Variants in PRUNE2 observed in about 807,000 individuals in gnomAD.
The protein encoded by PRUNE2 is prune homolog 2 with BCH domain, also known as protein prune homolog 2.
In PRUNE2, 164 loss-of-function variants were observed where a neutral mutation model predicts 252.0. The ratio of observed to expected loss-of-function variants is 0.65; its 90% CI spans 0.57 to 0.74. The LOEUF is 0.74. Ranked by LOEUF, PRUNE2 falls within the 30% of genes least tolerant of loss-of-function variation. The pLI, the probability that PRUNE2 is intolerant of heterozygous loss-of-function variation, is 0.00. For missense variants in PRUNE2, 3,495 were observed against 3,711.0 expected (o/e 0.94, Z 1.51); for synonymous variants, 1,292 against 1,350.2 (o/e 0.96, Z 0.94).
At chr9:76,903,618 C>T (rs2063309707) in intron 1 of PRUNE2, among the ~76,000 whole-genome samples, 1 of 152,146 alleles carries the variant, frequency 6.6e-6, no homozygotes, top group Non-Finnish European at 1.5e-5. Context: ...GACTGAGTCT[C>T]GCTCTGTTGC....
intron 2 of PRUNE2, among the ~76,000 whole-genome samples, chr9:76,853,534 G>A (rs546417433): frequency 1.2e-4 from 18 of 152,204 alleles, no homozygotes; most frequent in Non-Finnish European, 2.2e-4. Context: ...AGAATAGAAA[G>A]AGTCTTCCTC....
chr9:76,902,758 G>A (rs2063255126), intron 1 of PRUNE2, among the ~76,000 whole-genome samples: 1 of 152,166 alleles, frequency 6.6e-6, no homozygotes, highest in African/African-American at 2.4e-5. Flanking sequence ...GTCCTAACCA[G>A]GCAGAAGTCA....
Position 76,629,290 on chromosome 9 carries a change from AC to A in PRUNE2, c.9051-1del. On this transcript the variant is annotated splice_acceptor_variant, in intron 15 of 18. Transcript: ENST00000376718. LOFTEE classifies it high-confidence loss of function. ...ATTTAATTTTACTGCTGAATTTTGAACTAAAAAAAAAAAAAAGAAAAAAATA... is the reference window on the plus strand; with the variant it reads ...ATTTAATTTTACTGCTGAATTTTGAATAAAAAAAAAAAAAAGAAAAAAATA... The A allele has an allele frequency of 2.0e-6, 3 of 1,473,320 alleles. No homozygotes were observed. The highest frequency in any genetic ancestry group is 2.5e-5 in the South Asian group (2 of 80,602). 91.3% of individuals were successfully genotyped at this position (1,473,320 alleles called of 1,614,324 possible).
At chr9:76,803,801 T>C (rs2056736645) in intron 6 of PRUNE2, among the ~76,000 whole-genome samples, 2 of 152,200 alleles carry the variant, frequency 1.3e-5, no homozygotes, top group South Asian at 2.1e-4. Flanking sequence ...AGCACTTCGC[T>C]GTTACTTTCC....
intron 6 of PRUNE2, among the ~76,000 whole-genome samples, chr9:76,728,776 T>C (rs1468195452): frequency 3.9e-5 from 6 of 152,204 alleles, no homozygotes. Flanking sequence ...TCTCTGCACC[T>C]TTAGGCAAGT....
intron 9 of PRUNE2, among the ~76,000 whole-genome samples, chr9:76,668,265 G>A (rs2040585717): frequency 6.6e-6 from 1 of 152,034 alleles, no homozygotes; most frequent in Non-Finnish European, 1.5e-5. Context: ...AAAACTGGAG[G>A]GTTTTCAAAA....
chr9:76,726,678 A>G (rs2048131591), intron 6 of PRUNE2, among the ~76,000 whole-genome samples: 2 of 152,362 alleles, frequency 1.3e-5, no homozygotes, highest in South Asian at 4.1e-4. Context: ...TACTATTTAA[A>G]CAATCCAGGA....
chr9:76,706,560 T>G lies in PRUNE2; in HGVS notation c.5714A>C (p.Glu1905Ala). 1 of 1,613,968 alleles carries G rather than the reference T, an allele frequency of 6.2e-7. No individual in the cohort carries two copies. The highest frequency in any genetic ancestry group is 8.5e-7 in the Non-Finnish European group (1 of 1,179,872). The change falls in exon 8 of 19, where the codon GAG becomes GCG. Residue 1905 changes from glutamate (E) to alanine (A), a missense_variant. Physicochemically the swap from Glu to Ala is moderately radical, Grantham distance 107. Coordinates refer to ENST00000376718, the MANE Select transcript of PRUNE2 (RefSeq NM_015225.3). ...CCTTGGTTGAATGTTCCAGAGTTGC[T>G]CATGGGAGTTCTTCCCATTACCTTC... ...FLEGNGKNSH[E>A]QLWNIQPRQP...
At chr9:76,766,434 G>A (rs1230021305) in intron 6 of PRUNE2, among the ~76,000 whole-genome samples, 1 of 152,012 alleles carries the variant, frequency 6.6e-6, no homozygotes, top group Non-Finnish European at 1.5e-5. Flanking sequence ...TGTCTTTAAC[G>A]ATGCTTAACT....
At chr9:76,760,124 C>T (rs1307963853) in intron 6 of PRUNE2, 2 of 152,268 alleles carry the variant, frequency 1.3e-5, no homozygotes. Context: ...TAATCTGGCT[C>T]CTTGGTGTAG....
rs377574526 is a variant in PRUNE2 at position 76,763,606 on chromosome 9, T to G, written c.757-49885A>C. On this transcript the variant is annotated intron_variant, in intron 6 of 18. Transcript: ENST00000376718. Reference sequence around the variant, plus strand: ...CATATCCCCCGTCCCCAAGAGAGGATCTGGTGTCGTCTATTTAGCTTCCTT... The same window carrying G: ...CATATCCCCCGTCCCCAAGAGAGGAGCTGGTGTCGTCTATTTAGCTTCCTT... Among the ~76,000 whole-genome samples, 41 of 152,260 alleles carry G rather than the reference T, an allele frequency of 2.7e-4. 1 individual carries two copies. The South Asian group carries it at 8.3e-3, about 31-fold the overall frequency.
chr9:76,782,363 C>G (rs572503778), intron 6 of PRUNE2, among the ~76,000 whole-genome samples: 7 of 152,116 alleles, frequency 4.6e-5, no homozygotes, highest in Non-Finnish European at 1.0e-4. Context: ...TTGATAATTT[C>G]TGAGAGGCAG....
At chr9:76,890,605 GTC>G (rs2062409283) in intron 1 of PRUNE2, among the ~76,000 whole-genome samples, 1 of 152,146 alleles carries the variant, frequency 6.6e-6, no homozygotes, top group Admixed American at 6.5e-5. Context: ...GATCACATCA[GTC>G]TCTCAGAGTC....
intron 9 of PRUNE2, among the ~76,000 whole-genome samples, chr9:76,682,849 T>A (rs1380491799): frequency 2.6e-5 from 4 of 151,350 alleles, no homozygotes; most frequent in Non-Finnish European, 5.9e-5. Flanking sequence ...ATTTTTCTTT[T>A]AACTATTTTA....
At chr9:76,879,702 G>A (rs1256912916) in intron 1 of PRUNE2, among the ~76,000 whole-genome samples, 1 of 151,498 alleles carries the variant, frequency 6.6e-6, no homozygotes, top group African/African-American at 2.4e-5. Context: ...AGGCCCCAAA[G>A]GAAGTGCGGG....
In PRUNE2 at chr9:76,692,222, A is replaced by G. The variant is rs960252913; in HGVS notation, c.8276+11115T>C. ...TGATCTCTGGCACATCTAAATAAGGATGATCACCTGCCTCCCAGATCTCCC... is the reference window on the plus strand; with the variant it reads ...TGATCTCTGGCACATCTAAATAAGGGTGATCACCTGCCTCCCAGATCTCCC... On this transcript the variant is annotated intron_variant, in intron 9 of 18. Transcript: ENST00000376718. 7 of 710,756 alleles carry G rather than the reference A, an allele frequency of 9.8e-6. No individual in the cohort carries two copies. In the South Asian group the frequency reaches 1.0e-4, roughly 11 times the overall value. The allele number at this position is 710,756 out of a possible 1,614,324, so 44.0% of individuals were successfully genotyped here.
rs531131290 is a variant in PRUNE2, at chr9:76,707,288, C to A, written c.4986G>T (p.Gln1662His). The A allele has an allele frequency of 1.9e-6, 3 of 1,613,934 alleles. No individual in the cohort carries two copies. The African/African-American group carries it at 4.0e-5, about 22-fold the overall frequency. The change falls in exon 8 of 19, where the codon CAG (glutamine) becomes CAT (histidine). Residue 1662 changes from glutamine to histidine, a missense_variant. By Grantham distance (24) the Gln-to-His change is conservative (BLOSUM62 0). Transcript: ENST00000376718. ...CAGAAATGTCATGTTCATTTTTCTC[C>A]TGGTAGCTAGCAATTAGATTGCTTT... is the stretch of plus-strand genomic sequence containing the variant. ...HQESNLIASY[Q>H]EKNEHDISAT...
At chr9:76,868,486 G>A (rs1016278743) in intron 1 of PRUNE2, among the ~76,000 whole-genome samples, 6 of 152,234 alleles carry the variant, frequency 3.9e-5, no homozygotes, top group East Asian at 1.9e-4. Flanking sequence ...AGGTGCATAC[G>A]GGAGGACCAC....
At chr9:76,832,582 T>C (rs958232132) in intron 4 of PRUNE2, among the ~76,000 whole-genome samples, 1 of 152,118 alleles carries the variant, frequency 6.6e-6, no homozygotes. Context: ...CAACTCAAGT[T>C]GTGCTCTAAG....
Sources: allele counts gnomAD v4.1 joint callset (sites outside exome capture counted in the v4.1 genomes callset), GRCh38; gene constraint gnomAD v4.1.1; transcripts MANE v1.5; gene names NCBI Gene and HGNC (gene_info 2026-07-23, HGNC 2026-07-21).